HSPBAP1: variants seen among roughly 807,000 people sequenced by gnomAD.
HSPBAP1 encodes the protein HSPB1 associated protein 1, also known as HSPB1-associated protein 1.
HSPBAP1 carries 27 observed loss-of-function variants against 45.2 expected under a neutral mutation model. That is an observed-to-expected ratio of 0.60 (90% CI 0.44 to 0.82). The LOEUF (loss-of-function observed/expected upper bound fraction) is 0.82, where lower values mean the gene tolerates loss of function less well. Ranked by LOEUF, HSPBAP1 falls within the 40% of genes least tolerant of loss-of-function variation. The pLI, the probability that HSPBAP1 is intolerant of heterozygous loss-of-function variation, is 0.00. For missense variants in HSPBAP1, 510 were observed against 590.9 expected, an observed-to-expected ratio of 0.86 and a Z score of 1.42; for synonymous variants, 204 against 202.7, an observed-to-expected ratio of 1.01 and a Z score of -0.06.
chr3:122,756,628 T>A (rs1434105058), intron 4 of HSPBAP1, among the ~76,000 whole-genome samples: 1 of 151,324 alleles, frequency 6.6e-6, no homozygotes, highest in African/African-American at 2.4e-5. Flanking sequence ...AGCCCAGGAG[T>A]TCGAGGAAGC....
At chr3:122,777,989 T>A in intron 1 of HSPBAP1, 83 bp from the exon 2 acceptor site, 1 of 873,406 alleles carries the variant, frequency 1.1e-6, no homozygotes, top group Non-Finnish European at 1.8e-6. Context: ...GCTAATATTG[T>A]TTTTATCATG....
At chr3:122,792,662 C>T (rs1209702101) in intron 1 of HSPBAP1, among the ~76,000 whole-genome samples, 1 of 152,032 alleles carries the variant, frequency 6.6e-6, no homozygotes, top group East Asian at 1.9e-4. Context: ...ATCACAAGGT[C>T]AAGAGAGCGA....
intron 6 of HSPBAP1, among the ~76,000 whole-genome samples, chr3:122,749,525 G>T (rs1242814477): frequency 2.0e-5 from 3 of 151,974 alleles, no homozygotes; most frequent in Admixed American, 6.6e-5. Flanking sequence ...ATAATAAAAA[G>T]AATTGCAAAG....
At chr3:122,779,492 T>TTTCATTTATTTATTTATTTA (rs755495858) in intron 1 of HSPBAP1, among the ~76,000 whole-genome samples, 1 of 144,318 alleles carries the variant, frequency 6.9e-6, no homozygotes, top group Non-Finnish European at 1.5e-5. Context: ...ATATGTTTTC[T>TTTCATTTATTTATTTATTTA]TTTATTTATT....
intron 2 of HSPBAP1, among the ~76,000 whole-genome samples, chr3:122,774,538 A>T (rs970271848): frequency 1.3e-5 from 2 of 152,236 alleles, no homozygotes; most frequent in African/African-American, 4.8e-5. Context: ...TTTGGTCTTT[A>T]GCCTAAGCGT....
At chr3:122,771,543 T>C (rs1050264157) in intron 2 of HSPBAP1, among the ~76,000 whole-genome samples, 3 of 152,238 alleles carry the variant, frequency 2.0e-5, no homozygotes, top group African/African-American at 7.2e-5. Flanking sequence ...TTCTCCATTT[T>C]GTTAAACTTT....
chr3:122,741,359 G>T (rs1576227979), intron 6 of HSPBAP1: 3 of 449,766 alleles, frequency 6.7e-6, no homozygotes, highest in Non-Finnish European at 7.9e-6. Flanking sequence ...ATGGCCTTAA[G>T]TATGAATCAC....
intron 2 of HSPBAP1, among the ~76,000 whole-genome samples, chr3:122,776,709 A>T (rs1935202476): frequency 6.6e-6 from 1 of 152,212 alleles, no homozygotes. Context: ...ATTGAATTTT[A>T]AACAGTTTGG....
chr3:122,748,777 C>T (rs1934020609), intron 6 of HSPBAP1, among the ~76,000 whole-genome samples: 1 of 152,156 alleles, frequency 6.6e-6, no homozygotes. Flanking sequence ...TATAAAACAA[C>T]ATATGCACAA....
intron 1 of HSPBAP1, among the ~76,000 whole-genome samples, chr3:122,787,804 T>A (rs1935700198): frequency 6.6e-6 from 1 of 152,234 alleles, no homozygotes; most frequent in African/African-American, 2.4e-5. Context: ...GTGCAAGTAC[T>A]ATCTGACAAA....
intron 1 of HSPBAP1, among the ~76,000 whole-genome samples, chr3:122,781,303 G>A (rs942820387): frequency 2.2e-4 from 34 of 152,356 alleles, no homozygotes; most frequent in South Asian, 6.2e-4. Context: ...CTGCAATCCC[G>A]GCACCTCGGG....
chr3:122,749,568 T>C (rs1201196215), intron 6 of HSPBAP1, among the ~76,000 whole-genome samples: 1 of 152,200 alleles, frequency 6.6e-6, no homozygotes, highest in African/African-American at 2.4e-5. Context: ...GCTTTATGGT[T>C]AGTAGTAATA....
intron 5 of HSPBAP1, chr3:122,753,474 T>A: frequency 2.0e-6 from 2 of 981,194 alleles, no homozygotes; most frequent in Non-Finnish European, 2.4e-6. Context: ...ATCGAGAGAG[T>A]CTGAGAAGGA....
Position 122,793,820 on chromosome 3 carries a change from G to C in HSPBAP1, c.-140C>G, listed in dbSNP as rs1935919808. 2 of 692,834 alleles carry C rather than the reference G, an allele frequency of 2.9e-6. No homozygotes were observed. Among genetic ancestry groups the C allele is most frequent in the Admixed American group, 5.4e-5 (2 of 37,222 alleles). The allele number at this position is 692,834 out of a possible 1,614,324, so 42.9% of individuals were successfully genotyped here. A position where few individuals can be genotyped will look rare whatever the true frequency, so the allele number is the denominator to read the frequency against. On this transcript the variant is annotated 5_prime_UTR_variant, in exon 1 of 8. Coordinates refer to ENST00000306103, the MANE Select transcript of HSPBAP1 (RefSeq NM_024610.6). ...ACTCCCGCCCGGCTCCTACGGAAACGCCGGCTCTCACGTGGAGGTCACGTG... is the reference window on the plus strand; with the variant it reads ...ACTCCCGCCCGGCTCCTACGGAAACCCCGGCTCTCACGTGGAGGTCACGTG...
intron 3 of HSPBAP1, among the ~76,000 whole-genome samples, chr3:122,767,626 T>A (rs7627170): frequency 0.55 from 84,015 of 151,964 alleles, 24,114 homozygotes; most frequent in Non-Finnish European, 0.65. Context: ...TCCTTTTTTA[T>A]AAAATAAAAA....
chr3:122,791,415 C>A (rs1935826116), intron 1 of HSPBAP1, among the ~76,000 whole-genome samples: 1 of 152,196 alleles, frequency 6.6e-6, no homozygotes. Context: ...GCATGGAGTG[C>A]CCTTATTCAT....
chr3:122,785,689 C>T (rs1935629960), intron 1 of HSPBAP1, among the ~76,000 whole-genome samples: 1 of 152,120 alleles, frequency 6.6e-6, no homozygotes, highest in Admixed American at 6.6e-5. Context: ...GTCTTCCTTA[C>T]CATGCCTTAA....
intron 4 of HSPBAP1, among the ~76,000 whole-genome samples, chr3:122,755,842 A>G (rs1005044431): frequency 2.0e-5 from 3 of 152,054 alleles, no homozygotes; most frequent in African/African-American, 7.2e-5. Context: ...CAGAGCAAAC[A>G]CTCATAGTTC....
intron 5 of HSPBAP1, chr3:122,753,402 T>C (rs971914003): frequency 2.4e-6 from 2 of 850,982 alleles, no homozygotes; most frequent in Non-Finnish European, 2.8e-6. Flanking sequence ...ATCTAGATTT[T>C]ATCTGGTAGG....
Sources: allele counts gnomAD v4.1 joint callset (sites outside exome capture counted in the v4.1 genomes callset), GRCh38; gene constraint gnomAD v4.1.1; transcripts MANE v1.5; gene names NCBI Gene and HGNC (gene_info 2026-07-23, HGNC 2026-07-21).